The following CSNK1A1 variants were observed in gnomAD, a reference collection of about 807,000 sequenced individuals.
The protein encoded by CSNK1A1 is casein kinase 1 alpha 1.
CSNK1A1 carries 7 observed loss-of-function variants against 46.1 expected under a neutral mutation model. The observed-to-expected ratio is 0.15, with a 90% CI of 0.09 to 0.29. The LOEUF is 0.29. Ranked by LOEUF, CSNK1A1 falls within the 10% of genes least tolerant of loss-of-function variation. The pLI, the probability that CSNK1A1 is intolerant of heterozygous loss-of-function variation, is 1.00. For synonymous variants in CSNK1A1, 137 were observed against 141.5 expected (o/e 0.97, Z 0.23); for missense variants, 96 against 417.1 (o/e 0.23, Z 6.71).
Position 149,551,211 on chromosome 5 carries a change from C to G in CSNK1A1, c.-247G>C. On this transcript the variant is annotated 5_prime_UTR_variant, in exon 1 of 10. Transcript: ENST00000377843. ...TCTCGGCGGTTACCAGGCTGGGCCA[C>G]TTGTTTCTCGGCGGCCGCCGCTGCC... The G allele has an allele frequency of 2.9e-6, 1 of 342,234 alleles. No homozygotes were observed. Among genetic ancestry groups the G allele is most frequent in the Non-Finnish European group, 5.4e-6 (1 of 186,054 alleles). The allele number at this position is 342,234 out of a possible 1,614,324, so 21.2% of individuals were successfully genotyped here. A position where few individuals can be genotyped will look rare whatever the true frequency, so the allele number is the denominator to read the frequency against.
chr5:149,497,497 A>G (rs1760690060), intron 9 of CSNK1A1: 6 of 985,560 alleles, frequency 6.1e-6, no homozygotes, highest in Non-Finnish European at 7.2e-6. Flanking sequence ...TACACATTCT[A>G]CAAATACTTC....
chr5:149,519,349 A>G (rs993008635), intron 4 of CSNK1A1, among the ~76,000 whole-genome samples: 1 of 152,136 alleles, frequency 6.6e-6, no homozygotes, highest in Non-Finnish European at 1.5e-5. Flanking sequence ...CTTCCTTCCA[A>G]AAACAAAACA....
At chr5:149,547,272 C>T (rs1762511661) in intron 2 of CSNK1A1, among the ~76,000 whole-genome samples, 1 of 152,204 alleles carries the variant, frequency 6.6e-6, no homozygotes, top group East Asian at 1.9e-4. Context: ...TCTCTCTGCA[C>T]TCACCACCTT....
intron 9 of CSNK1A1, chr5:149,501,666 A>G (rs1760861210): frequency 7.1e-6 from 7 of 985,400 alleles, no homozygotes; most frequent in Non-Finnish European, 8.4e-6. Context: ...TGATGAGAGT[A>G]CAGAATAGTA....
rs1760615670 is a variant in CSNK1A1, at chr5:149,495,124, T to TAAA, written c.*1726_*1728dup. On this transcript the variant is annotated 3_prime_UTR_variant, in exon 10 of 10. Coordinates refer to ENST00000377843, the MANE Select transcript of CSNK1A1 (RefSeq NM_001892.6). ...GCCTACCCCAGAAGTTCAGACTTAA[T>TAAA]AAAATTTCTTCAGTATTACGGTACT... The TAAA allele has an allele frequency of 6.6e-6, 1 of 152,188 alleles. No homozygotes were observed. Among genetic ancestry groups the TAAA allele is most frequent in the South Asian group, 2.1e-4 (1 of 4,826 alleles). The allele number at this position is 152,188 out of a possible 1,614,324, so 9.4% of individuals were successfully genotyped here.
At chr5:149,510,708 G>C (rs1761193198) in intron 6 of CSNK1A1, among the ~76,000 whole-genome samples, 3 of 151,842 alleles carry the variant, frequency 2.0e-5, no homozygotes, top group Admixed American at 2.0e-4. Context: ...TGAACTCCTG[G>C]GCTCAAGTGA....
chr5:149,497,312 A>G, intron 9 of CSNK1A1: 1 of 988,840 alleles, frequency 1.0e-6, no homozygotes, highest in Non-Finnish European at 1.2e-6. Flanking sequence ...AATGCATTCA[A>G]AGCATAATTA....
At chr5:149,533,216 A>G (rs1010828375) in intron 2 of CSNK1A1, among the ~76,000 whole-genome samples, 9 of 152,242 alleles carry the variant, frequency 5.9e-5, no homozygotes, top group African/African-American at 1.9e-4. Flanking sequence ...TCATTTATCC[A>G]TTCAATATTT....
At chr5:149,528,483 G>A (rs1000664156) in intron 2 of CSNK1A1, among the ~76,000 whole-genome samples, 1 of 152,098 alleles carries the variant, frequency 6.6e-6, no homozygotes, top group African/African-American at 2.4e-5. Context: ...CTTCCATCTG[G>A]ACTAACTCAT....
At chr5:149,541,843 T>G (rs1026288306) in intron 2 of CSNK1A1, among the ~76,000 whole-genome samples, 2 of 151,798 alleles carry the variant, frequency 1.3e-5, no homozygotes, top group Non-Finnish European at 2.9e-5. Flanking sequence ...TGGTGGTATA[T>G]GCCTGTAGTC....
chr5:149,497,737 T>C, intron 9 of CSNK1A1: 1 of 985,508 alleles, frequency 1.0e-6, no homozygotes, highest in East Asian at 1.1e-4. Context: ...ACAAATGAGC[T>C]AGAAACTATA....
chr5:149,517,578 T>C lies in CSNK1A1; in HGVS notation c.456+2712A>G, dbSNP rs184308437. Among the ~76,000 whole-genome samples, 10 of 152,352 alleles carry C rather than the reference T, an allele frequency of 6.6e-5. No individual in the cohort carries two copies. In the East Asian group the frequency reaches 1.9e-3, roughly 29 times the overall value. Reference sequence around the variant, plus strand: ...AATATCCTATTTTCATTTAGCTTTTTTCTAAACTTTATAAGTTTTAAGCAA... The same window carrying C: ...AATATCCTATTTTCATTTAGCTTTTCTCTAAACTTTATAAGTTTTAAGCAA... On this transcript the variant is annotated intron_variant, in intron 4 of 9. Coordinates refer to ENST00000377843, the MANE Select transcript of CSNK1A1 (RefSeq NM_001892.6). This position sits in a 1 kb window ranked among gnomAD's most constrained non-coding sequence, Gnocchi z 4.4.
intron 4 of CSNK1A1, among the ~76,000 whole-genome samples, chr5:149,516,689 T>TA (rs1580833885): frequency 6.6e-6 from 1 of 152,212 alleles, no homozygotes; most frequent in African/African-American, 2.4e-5. Flanking sequence ...TTTATTCTTA[T>TA]AATATGCCTA....
In CSNK1A1 at chr5:149,496,773, G is replaced by A. The variant is rs916568538; in HGVS notation, c.*80C>T. 4 of 1,528,574 alleles carry A rather than the reference G, an allele frequency of 2.6e-6. No homozygotes were observed. The highest frequency in any genetic ancestry group is 3.5e-6 in the Non-Finnish European group (4 of 1,140,832). The allele number at this position is 1,528,574 out of a possible 1,614,324, so 94.7% of individuals were successfully genotyped here. ...CACAACCACTGGCTAGTGTACATATGAACTAAAATTTCTAGATTTGGGGAG... is the reference window on the plus strand; with the variant it reads ...CACAACCACTGGCTAGTGTACATATAAACTAAAATTTCTAGATTTGGGGAG... On this transcript the variant is annotated 3_prime_UTR_variant, in exon 10 of 10. Transcript: ENST00000377843.
chr5:149,546,150 C>T (rs1262229441), intron 2 of CSNK1A1, among the ~76,000 whole-genome samples: 2 of 151,634 alleles, frequency 1.3e-5, no homozygotes, highest in Admixed American at 6.6e-5. Context: ...AATCTGCCCA[C>T]CTCGGCCTCC....
Position 149,551,106 on chromosome 5 carries a change from G to T in CSNK1A1, c.-142C>A, listed in dbSNP as rs1241646312. 1.2e-6 allele frequency: 1 copy of T among 865,112 alleles called. No individual in the cohort carries two copies. The highest frequency in any genetic ancestry group is 1.8e-6 in the Non-Finnish European group (1 of 560,560). The allele number at this position is 865,112 out of a possible 1,614,324, so 53.6% of individuals were successfully genotyped here. On this transcript the variant is annotated 5_prime_UTR_variant, in exon 1 of 10. Transcript: ENST00000377843. ...ACGGAGGCCTTTACCGGGGTTCGGG[G>T]CCCAGAATCAGCAGAGGGGAACCTG...
In CSNK1A1 at chr5:149,550,720, C is replaced by T; in HGVS notation, c.123+122G>A. The T allele has an allele frequency of 4.3e-6, 6 of 1,388,516 alleles. No homozygotes were observed. The highest frequency in any genetic ancestry group is 5.9e-6 in the Non-Finnish European group (6 of 1,018,524). 86.0% of individuals were successfully genotyped at this position (1,388,516 alleles called of 1,614,324 possible). A position where few individuals can be genotyped will look rare whatever the true frequency, so the allele number is the denominator to read the frequency against. The stretch of plus-strand genomic sequence containing the variant: ...GTTCGTAAGCCAGGAAAACTAGCTC[C>T]CTGGACTCCCTGGCGAGTGCGTGCG... On this transcript the variant is annotated intron_variant, in intron 1 of 9. Coordinates refer to ENST00000377843, the MANE Select transcript of CSNK1A1 (RefSeq NM_001892.6). This position sits in a 1 kb window ranked among gnomAD's most constrained non-coding sequence, Gnocchi z 4.3.
intron 8 of CSNK1A1, among the ~76,000 whole-genome samples, chr5:149,506,410 T>C (rs1181524393): frequency 6.6e-6 from 1 of 151,950 alleles, no homozygotes; most frequent in African/African-American, 2.4e-5. Flanking sequence ...CTAATTTTTG[T>C]ATTTTTAGTA....
chr5:149,499,967 C>CTTTTTTTTTTTTTTTTTTTT (rs1162496799), intron 9 of CSNK1A1, among the ~76,000 whole-genome samples: 2 of 77,710 alleles, frequency 2.6e-5, no homozygotes, highest in Non-Finnish European at 5.3e-5. Flanking sequence ...TTCTTTTTTT[C>CTTTTTTTTTTTTTTTTTTTT]TTTTTTTTTT....
Sources: allele counts gnomAD v4.1 joint callset (sites outside exome capture counted in the v4.1 genomes callset), GRCh38; gene constraint gnomAD v4.1.1; non-coding constraint Gnocchi (gnomAD v3.1); transcripts MANE v1.5; gene names NCBI Gene and HGNC (gene_info 2026-07-23, HGNC 2026-07-21).